Variants in OR5V1 observed in about 807,000 individuals in gnomAD.
The protein encoded by OR5V1 is olfactory receptor family 5 subfamily V member 1.
For missense variants in OR5V1, 365 were observed against 371.5 expected, an observed-to-expected ratio of 0.98 and a Z score of 0.14; for synonymous variants, 134 against 143.2, an observed-to-expected ratio of 0.94 and a Z score of 0.46.
At chr6:29,368,054 AC>A (rs1326959974) in intron 1 of OR5V1, among the ~76,000 whole-genome samples, 3 of 152,184 alleles carry the variant, frequency 2.0e-5, no homozygotes, top group Non-Finnish European at 2.9e-5. Context: ...CTTCTAACAG[AC>A]CCAGTAGCTC....
Position 29,364,564 on chromosome 6 carries a change from C to T in OR5V1, c.-83+4068G>A, listed in dbSNP as rs1778755905. Among the ~76,000 whole-genome samples, 3 of 57,742 alleles carry T rather than the reference C, an allele frequency of 5.2e-5. 1 individual carries two copies. 37.9% of individuals were successfully genotyped at this position (57,742 alleles called of 152,430 possible). A position where few individuals can be genotyped will look rare whatever the true frequency, so the allele number is the denominator to read the frequency against. ...CTGTAATCCCAGCACTTTGGGAGGC[C>T]GAGGCGGGCGGATCACGAGGTCAGG... On this transcript the variant is annotated intron_variant, in intron 1 of 1. Transcript: ENST00000641768.
Position 29,355,888 on chromosome 6 carries a change from G to A in OR5V1, c.308C>T (p.Ala103Val). The A allele has an allele frequency of 6.2e-7, 1 of 1,613,990 alleles. No homozygotes were observed. The highest frequency in any genetic ancestry group is 2.2e-5 in the East Asian group (1 of 44,878). The change falls in exon 2 of 2, where the codon GCA becomes GTA. Residue 103 changes from alanine to valine, a missense_variant. Transcript: ENST00000641768. Reference protein sequence around the residue: ...SYVGCVVQLFAFVFFVGSECL... With the variant: ...SYVGCVVQLFVFVFFVGSECL... The stretch of plus-strand genomic sequence containing the variant: ...CTCTGATCCTACAAAGAAAACAAAT[G>A]CAAAAAGTTGAACCACACACCCCAC...
intron 1 of OR5V1, among the ~76,000 whole-genome samples, chr6:29,366,610 T>C (rs1403917058): frequency 7.0e-6 from 1 of 141,852 alleles, no homozygotes; most frequent in African/African-American, 2.7e-5. Context: ...AGCTAAACTA[T>C]GAGACTAAGA....
Position 29,355,245 on chromosome 6 carries a change from A to G in OR5V1, c.951T>C (p.Ser317=), listed in dbSNP as rs1268508813. 4 of 1,592,774 alleles carry G rather than the reference A, an allele frequency of 2.5e-6. No individual in the cohort carries two copies. Among genetic ancestry groups the G allele is most frequent in the African/African-American group, 2.7e-5 (2 of 73,706 alleles). The change falls in exon 2 of 2, where the codon AGT becomes AGC. Residue 317 remains serine, a synonymous_variant. Coordinates refer to ENST00000641768, the MANE Select transcript of OR5V1 (RefSeq NM_030876.6). ...KWQPPISSLD[S]KLTY ...CCTGTGAGGTTCAATAAGTGAGTTT[A>G]CTATCCAAAGAGGAAATTGGTGGCT...
Position 29,355,487 on chromosome 6 carries a change from C to T in OR5V1, c.709G>A (p.Ala237Thr). ...AGGTGGGAGGCACATGTAGAGAAGGCTTTTCGTCTTCCCTCTGAGGACTGG... is the reference window on the plus strand; with the variant it reads ...AGGTGGGAGGCACATGTAGAGAAGGTTTTTCGTCTTCCCTCTGAGGACTGG... ...RIQSSEGRRK[A>T]FSTCASHLAI... Residue 237 changes from alanine (A) to threonine (T), a missense_variant, in exon 2 of 2, where the codon GCC becomes ACC. Transcript: ENST00000641768. 1.9e-6 allele frequency: 3 copies of T among 1,613,940 alleles called. No individual in the cohort carries two copies. Among genetic ancestry groups the T allele is most frequent in the Non-Finnish European group, 2.5e-6 (3 of 1,179,918 alleles).
intron 1 of OR5V1, among the ~76,000 whole-genome samples, chr6:29,366,206 G>A (rs557222686): frequency 1.1e-4 from 17 of 151,854 alleles, no homozygotes; most frequent in African/African-American, 3.1e-4. Context: ...TAATGCATGC[G>A]GGGCTTAAAA....
intron 1 of OR5V1, among the ~76,000 whole-genome samples, chr6:29,367,397 A>G (rs948262300): frequency 2.6e-5 from 4 of 152,164 alleles, no homozygotes; most frequent in Admixed American, 2.0e-4. Context: ...CTATTTCTCA[A>G]TGAATTAATA....
Position 29,356,018 on chromosome 6 carries a change from A to C in OR5V1, c.178T>G (p.Tyr60Asp). Residue 60 changes from tyrosine to aspartate, a missense_variant, in exon 2 of 2, where the codon TAT becomes GAT. Transcript: ENST00000641768. ...VTDPHLHTPMYYFLGNLAFID... is the reference protein window; with the variant it reads ...VTDPHLHTPMDYFLGNLAFID... ...AAGGCCAAGTTCCCTAGAAAATAAT[A>C]CATAGGTGTATGCAGGTGTGGATCA... 1.9e-6 allele frequency: 3 copies of C among 1,614,076 alleles called. No individual in the cohort carries two copies. The highest frequency in any genetic ancestry group is 2.5e-6 in the Non-Finnish European group (3 of 1,179,972).
In OR5V1 at chr6:29,355,862, A is replaced by G. The variant is rs1046354317; in HGVS notation, c.334T>C (p.Cys112Arg). The change falls in exon 2 of 2, where the codon TGT becomes CGT. Residue 112 changes from cysteine to arginine, a missense_variant. By Grantham distance (180) the Cys-to-Arg change is radical. Coordinates refer to ENST00000641768, the MANE Select transcript of OR5V1 (RefSeq NM_030876.6). The part of the protein sequence containing the change: ...FAFVFFVGSE[C>R]LLLAAMAYDR... Reference sequence around the variant, plus strand: ...TATGCCATTGCTGCCAGTAGGAGACACTCTGATCCTACAAAGAAAACAAAT... The same window carrying G: ...TATGCCATTGCTGCCAGTAGGAGACGCTCTGATCCTACAAAGAAAACAAAT... The G allele has an allele frequency of 3.1e-6, 5 of 1,613,848 alleles. No individual in the cohort carries two copies. Among genetic ancestry groups the G allele is most frequent in the Non-Finnish European group, 4.2e-6 (5 of 1,179,910 alleles).
chr6:29,366,399 T>A (rs1421068880), intron 1 of OR5V1, among the ~76,000 whole-genome samples: 3 of 151,236 alleles, frequency 2.0e-5, no homozygotes, highest in Non-Finnish European at 4.4e-5. Context: ...ATTTGAGATA[T>A]CTGAATATCT....
intron 1 of OR5V1, among the ~76,000 whole-genome samples, chr6:29,366,063 CA>C (rs1185466170): frequency 6.6e-6 from 1 of 152,024 alleles, no homozygotes; most frequent in Non-Finnish European, 1.5e-5. Flanking sequence ...AACAGAAAAC[CA>C]GACACTACAT....
chr6:29,358,285 A>C (rs1778410274), intron 1 of OR5V1, among the ~76,000 whole-genome samples: 2 of 152,156 alleles, frequency 1.3e-5, no homozygotes, highest in Non-Finnish European at 2.9e-5. Context: ...GGAGGAATTA[A>C]CCCTTCTACT....
rs145309335 is a variant in OR5V1 at position 29,355,579 on chromosome 6, A to G, written c.617T>C (p.Ile206Thr). The G allele has an allele frequency of 1.5e-4, 244 of 1,613,904 alleles. No individual in the cohort carries two copies. The highest frequency in any genetic ancestry group is 2.0e-4 in the Non-Finnish European group (233 of 1,179,926). The change falls in exon 2 of 2, where the codon ATT becomes ACT. Residue 206 changes from isoleucine to threonine, a missense_variant. Ile to Thr is a moderately conservative substitution (Grantham distance 89). Coordinates refer to ENST00000641768, the MANE Select transcript of OR5V1 (RefSeq NM_030876.6). ...ELALLSTGVF[I>T]GWTPFLCIVL... ...GATACAAAGGAAAGGAGTCCAACCAATGAAGACCCCAGTGGATAGCAGTGC... is the reference window on the plus strand; with the variant it reads ...GATACAAAGGAAAGGAGTCCAACCAGTGAAGACCCCAGTGGATAGCAGTGC...
At chr6:29,365,458 G>T (rs1778805856) in intron 1 of OR5V1, among the ~76,000 whole-genome samples, 2 of 151,630 alleles carry the variant, frequency 1.3e-5, no homozygotes, top group Non-Finnish European at 2.9e-5. Context: ...ATATTTACAA[G>T]AAAAAACAAA....
At chr6:29,358,377 T>C (rs960296671) in intron 1 of OR5V1, among the ~76,000 whole-genome samples, 4 of 152,204 alleles carry the variant, frequency 2.6e-5, no homozygotes, top group Admixed American at 2.6e-4. Flanking sequence ...TGTAAATTAA[T>C]AGAGCCATTT....
intron 1 of OR5V1, among the ~76,000 whole-genome samples, chr6:29,364,399 C>T (rs374603382): frequency 2.0e-5 from 3 of 152,042 alleles, no homozygotes; most frequent in Non-Finnish European, 2.9e-5. Flanking sequence ...AATGCTATTC[C>T]CATCAAGCTA....
intron 1 of OR5V1, among the ~76,000 whole-genome samples, chr6:29,361,074 G>C (rs1016198041): frequency 6.6e-6 from 1 of 152,064 alleles, no homozygotes; most frequent in Non-Finnish European, 1.5e-5. Flanking sequence ...TAGAAGTTTA[G>C]AGAAAAACAT....
intron 1 of OR5V1, among the ~76,000 whole-genome samples, chr6:29,363,258 G>A (rs1278148745): frequency 2.0e-5 from 3 of 152,092 alleles, no homozygotes; most frequent in African/African-American, 4.8e-5. Context: ...GGAAGAAGTC[G>A]AATCCCTGAA....
chr6:29,359,057 C>T (rs1385711066), intron 1 of OR5V1, among the ~76,000 whole-genome samples: 1 of 152,042 alleles, frequency 6.6e-6, no homozygotes, highest in Admixed American at 6.6e-5. Flanking sequence ...ATATATACTG[C>T]AGACTAGAGT....
Sources: gnomAD v4.1 joint callset for allele counts (sites outside exome capture counted in the v4.1 genomes callset) on GRCh38, gnomAD v4.1.1 for gene constraint, MANE v1.5 for transcripts, NCBI Gene and HGNC (gene_info 2026-07-23, HGNC 2026-07-21) for gene names.